Variants in FAM53A observed in about 807,000 individuals in gnomAD.
The protein encoded by FAM53A is family with sequence similarity 53 member A, also known as protein FAM53A.
In FAM53A, 28 loss-of-function variants were observed where a neutral mutation model predicts 26.6. The observed-to-expected ratio is 1.05, with a 90% CI of 0.78 to 1.45. The LOEUF is 1.45. FAM53A is among the 40% of genes most tolerant of loss of function. The pLI, the probability that FAM53A is intolerant of heterozygous loss-of-function variation, is 0.00. For synonymous variants in FAM53A, 290 were observed against 253.1 expected, an observed-to-expected ratio of 1.15 and a Z score of -1.38; for missense variants, 650 against 575.8, an observed-to-expected ratio of 1.13 and a Z score of -1.32.
chr4:1,596,130 C>T, the FAM53A span, among the ~76,000 whole-genome samples: 1 of 152,130 alleles, frequency 6.6e-6, no homozygotes, highest in Non-Finnish European at 1.5e-5. Flanking sequence ...GGAGGGTTGG[C>T]TCCAAGGCCA....
the FAM53A span, among the ~76,000 whole-genome samples, chr4:1,579,578 A>C: frequency 6.6e-6 from 1 of 152,116 alleles, no homozygotes; most frequent in African/African-American, 2.4e-5. Context: ...ACCAGGGCGG[A>C]TGGCCCGACC....
chr4:1,576,794 G>A, the FAM53A span, among the ~76,000 whole-genome samples: 10 of 152,348 alleles, frequency 6.6e-5, no homozygotes, highest in South Asian at 6.2e-4. Flanking sequence ...CCCAGGAGAG[G>A]AGAGGGGCTG....
At chr4:1,649,247 A>G (rs1448643922) in intron 4 of FAM53A, among the ~76,000 whole-genome samples, 1 of 151,884 alleles carries the variant, frequency 6.6e-6, no homozygotes, top group Non-Finnish European at 1.5e-5. Flanking sequence ...AAGAAAAGGA[A>G]AGAGAAAGAA....
downstream of FAM53A, among the ~76,000 whole-genome samples, chr4:1,615,327 G>T (rs111929023): frequency 0.016 from 347 of 21,572 alleles, 4 homozygotes; most frequent in African/African-American, 0.082. Flanking sequence ...CCACCTGGGC[G>T]CACACTGAAG....
intron 1 of FAM53A, among the ~76,000 whole-genome samples, chr4:1,628,106 C>T (rs990818926): frequency 1.0e-3 from 1 of 954 alleles, no homozygotes; most frequent in Non-Finnish European, 1.9e-3. Flanking sequence ...GAGGGTGGCA[C>T]GGGGGAGGGC....
At chr4:1,623,047 ACAGGG>A (rs1444236762) in intron 1 of FAM53A, among the ~76,000 whole-genome samples, 1 of 152,216 alleles carries the variant, frequency 6.6e-6, no homozygotes, top group Non-Finnish European at 1.5e-5. Flanking sequence ...CCCCACGGTC[ACAGGG>A]CTGACAGTGG....
At chr4:1,612,646 G>A in the FAM53A span, among the ~76,000 whole-genome samples, 14 of 152,124 alleles carry the variant, frequency 9.2e-5, no homozygotes, top group East Asian at 5.8e-4. Flanking sequence ...ATGCACACAC[G>A]CCCAGGCCTG....
chr4:1,673,553 T>C (rs1359983465), intron 1 of FAM53A, among the ~76,000 whole-genome samples: 1 of 152,014 alleles, frequency 6.6e-6, no homozygotes, highest in African/African-American at 2.4e-5. Flanking sequence ...GCCAACATGG[T>C]GAAACCCCAT....
chr4:1,606,453 C>T, the FAM53A span, among the ~76,000 whole-genome samples: 11 of 152,082 alleles, frequency 7.2e-5, no homozygotes, highest in South Asian at 2.1e-4. Context: ...CTAAGATAGC[C>T]GAGACCCGAT....
chr4:1,597,241 C>A, the FAM53A span, among the ~76,000 whole-genome samples: 1 of 152,152 alleles, frequency 6.6e-6, no homozygotes, highest in Admixed American at 6.5e-5. Flanking sequence ...TATCAGGGGT[C>A]CCCCTCGAGG....
At chr4:1,643,812 C>A (rs1455055572) in intron 4 of FAM53A, among the ~76,000 whole-genome samples, 1 of 152,122 alleles carries the variant, frequency 6.6e-6, no homozygotes, top group Admixed American at 6.5e-5. Flanking sequence ...AACAATCCTC[C>A]CGCCTCAGCC....
intron 1 of FAM53A, among the ~76,000 whole-genome samples, chr4:1,682,059 A>C (rs1430590652): frequency 2.0e-5 from 3 of 152,164 alleles, no homozygotes; most frequent in Non-Finnish European, 4.4e-5. Context: ...TTGGAAACTG[A>C]AAATGAGAAG....
In FAM53A at chr4:1,657,408, C is replaced by T. The variant is rs200002164; in HGVS notation, c.136G>A (p.Asp46Asn). Reference protein sequence around the residue: ...SGRLFPLELNDQSPWKVFSGG... With the variant: ...SGRLFPLELNNQSPWKVFSGG... ...CGGCCACAGCTCCTAAAGTGCTCAC[C>T]GTTGAGCTCCAAAGGGAACAGACGA... The change falls in exon 3 of 5, where the codon GAC (aspartate) becomes AAC (asparagine). Residue 46 changes from aspartate (D) to asparagine (N), a missense_variant and splice_region_variant. Physicochemically the swap from Asp to Asn is conservative, Grantham distance 23. Transcript: ENST00000308132. 5.6e-6 allele frequency: 9 copies of T among 1,613,216 alleles called. No individual in the cohort carries two copies. The highest frequency in any genetic ancestry group is 4.5e-5 in the East Asian group (2 of 44,874).
intron 1 of FAM53A, among the ~76,000 whole-genome samples, chr4:1,676,104 G>A (rs1454748030): frequency 6.6e-6 from 1 of 152,250 alleles, no homozygotes; most frequent in East Asian, 1.9e-4. Flanking sequence ...GTAGAGCCAT[G>A]AATTAGCTTC....
chr4:1,646,971 T>C (rs113396234), intron 4 of FAM53A, among the ~76,000 whole-genome samples: 22 of 152,222 alleles, frequency 1.4e-4, no homozygotes, highest in African/African-American at 5.3e-4. Flanking sequence ...CTGATGTGCA[T>C]ATTTTCAATG....
intron 2 of FAM53A, among the ~76,000 whole-genome samples, chr4:1,666,673 G>C (rs977983965): frequency 2.0e-5 from 3 of 152,264 alleles, no homozygotes; most frequent in East Asian, 1.9e-4. Context: ...GTCTTGGTTA[G>C]AGACACCTTA....
At chr4:1,582,519 G>A in the FAM53A span, among the ~76,000 whole-genome samples, 2 of 152,192 alleles carry the variant, frequency 1.3e-5, no homozygotes, top group Non-Finnish European at 2.9e-5. Context: ...GGAGGCTGGC[G>A]GCCCTGGCTG....
chr4:1,596,244 T>TGA, the FAM53A span, among the ~76,000 whole-genome samples: 1 of 152,252 alleles, frequency 6.6e-6, no homozygotes, highest in Non-Finnish European at 1.5e-5. Flanking sequence ...AGGGCCAGGC[T>TGA]GAGGGACGCT....
At position 1,623,101 on chromosome 4, in the gene FAM53A, C is replaced by T. The variant is rs182896076; in HGVS notation, c.432-4990G>A. On this transcript the variant is annotated intron_variant, in intron 1 of 1. Transcript: ENST00000489029. ...GTGCCTCCCACTGTGGCCACCAGCC[C>T]GGCATGCGGTCCCCCACGCTGAGCA... Among the ~76,000 whole-genome samples, 250 of 152,348 alleles carry T rather than the reference C, an allele frequency of 1.6e-3. 2 individuals are homozygous for T. Among genetic ancestry groups the T allele is most frequent in the Non-Finnish European group, 5.4e-4 (37 of 68,032 alleles).
Sources: allele counts gnomAD v4.1 joint callset (sites outside exome capture counted in the v4.1 genomes callset), GRCh38; gene constraint gnomAD v4.1.1; transcripts MANE v1.5; gene names NCBI Gene and HGNC (gene_info 2026-07-23, HGNC 2026-07-21).